Variants in PSMF1 observed in about 807,000 individuals in gnomAD.
PSMF1 encodes the protein proteasome inhibitor PI31 subunit.
Under a neutral mutation model 29.3 loss-of-function variants are expected in PSMF1, and 30 were observed. The ratio of observed to expected loss-of-function variants is 1.02; its 90% CI spans 0.77 to 1.39. The LOEUF (loss-of-function observed/expected upper bound fraction) is 1.39. PSMF1 is among the 40% of genes most tolerant of loss of function. The pLI is 0.00. For missense variants in PSMF1, 344 were observed against 357.5 expected (o/e 0.96, Z 0.31); for synonymous variants, 134 against 139.7 (o/e 0.96, Z 0.29).
chr20:1,145,645 A>G (rs746087425), intron 4 of PSMF1, among the ~76,000 whole-genome samples: 1 of 152,196 alleles, frequency 6.6e-6, no homozygotes, highest in Non-Finnish European at 1.5e-5. Context: ...AAAGGATACA[A>G]TACTCCTTAT....
intron 4 of PSMF1, among the ~76,000 whole-genome samples, chr20:1,144,375 A>G (rs961602270): frequency 6.6e-6 from 1 of 152,266 alleles, no homozygotes; most frequent in Non-Finnish European, 1.5e-5. Flanking sequence ...GCAGTTTCTT[A>G]AAAAACTAAA....
At chr20:1,158,178 A>C (rs2086618561) in intron 4 of PSMF1, among the ~76,000 whole-genome samples, 1 of 152,032 alleles carries the variant, frequency 6.6e-6, no homozygotes, top group African/African-American at 2.4e-5. Flanking sequence ...AGGAAGCAAA[A>C]ATTTTGCTAG....
At chr20:1,153,000 C>A (rs986527977) in intron 4 of PSMF1, among the ~76,000 whole-genome samples, 10 of 152,180 alleles carry the variant, frequency 6.6e-5, no homozygotes, top group African/African-American at 2.4e-4. Flanking sequence ...GATTTTGATA[C>A]AGATTGCTCA....
chr20:1,162,976 A>G (rs1380269370), intron 4 of PSMF1, among the ~76,000 whole-genome samples, 154 bp from the exon 5 acceptor site: 1 of 152,070 alleles, frequency 6.6e-6, no homozygotes, highest in Admixed American at 6.6e-5. Flanking sequence ...TAGGATTATC[A>G]TTGTTCATCT....
At chr20:1,140,270 A>C (rs1405111827) in intron 4 of PSMF1, among the ~76,000 whole-genome samples, 1 of 152,228 alleles carries the variant, frequency 6.6e-6, no homozygotes, top group African/African-American at 2.4e-5. Flanking sequence ...GAGCAAGGAA[A>C]TAGAATTGAG....
intron 4 of PSMF1, among the ~76,000 whole-genome samples, chr20:1,156,177 G>C (rs1484431231): frequency 6.6e-6 from 1 of 152,192 alleles, no homozygotes; most frequent in Non-Finnish European, 1.5e-5. Flanking sequence ...TGACTAAGGA[G>C]TCAGTGAACT....
At chr20:1,120,116 C>T (rs935905800) in intron 1 of PSMF1, among the ~76,000 whole-genome samples, 1 of 151,882 alleles carries the variant, frequency 6.6e-6, no homozygotes, top group Non-Finnish European at 1.5e-5. Flanking sequence ...TCTCTTAGAA[C>T]TAAAGACCAA....
rs6104687 is a variant in PSMF1, at chr20:1,171,100, G to A, written c.*6020G>A. Among the ~76,000 whole-genome samples, 671 of 152,240 alleles carry A rather than the reference G, an allele frequency of 4.4e-3. 6 individuals carry two copies. Among genetic ancestry groups the A allele is most frequent in the African/African-American group, 0.015 (621 of 41,548 alleles). ...CCCATTCCAGAAGCTGGGAAACCAC[G>A]TCAGGACTTGTGTGAGAAAGGAGTG... On this transcript the variant is annotated 3_prime_UTR_variant, in exon 7 of 7. Coordinates refer to ENST00000335877, the MANE Select transcript of PSMF1 (RefSeq NM_006814.5).
intron 4 of PSMF1, chr20:1,160,816 G>C: frequency 2.2e-6 from 1 of 447,226 alleles, no homozygotes; most frequent in Non-Finnish European, 4.6e-6. Flanking sequence ...ATTTTCACCA[G>C]CTGGGAAGGC....
At chr20:1,141,166 G>A (rs998731211) in intron 4 of PSMF1, among the ~76,000 whole-genome samples, 1 of 152,186 alleles carries the variant, frequency 6.6e-6, no homozygotes, top group Non-Finnish European at 1.5e-5. Flanking sequence ...CCAGGGTGGA[G>A]GTGGAAGATG....
chr20:1,147,399 C>T (rs932441482), intron 4 of PSMF1, among the ~76,000 whole-genome samples: 2 of 152,158 alleles, frequency 1.3e-5, no homozygotes, highest in Non-Finnish European at 2.9e-5. Context: ...GGATTTACCC[C>T]GAAGTGGGTC....
Position 1,166,786 on chromosome 20 carries a change from T to A in PSMF1, c.*1706T>A, listed in dbSNP as rs1166633261. 1.9e-5 allele frequency: 3 copies of A among 156,306 alleles called. No homozygotes were observed. The highest frequency in any genetic ancestry group is 2.8e-5 in the Non-Finnish European group (2 of 70,216). The allele number at this position is 156,306 out of a possible 1,614,324, so 9.7% of individuals were successfully genotyped here. On this transcript the variant is annotated 3_prime_UTR_variant, in exon 7 of 7. Transcript: ENST00000335877. ...GAGAGATGGCAAATGGGAGGAGTGT[T>A]AGTCTTTGTTTTGGAATTGGACCAT...
intron 4 of PSMF1, 107 bp downstream of exon 4, chr20:1,135,413 A>G (rs898496927): frequency 2.5e-6 from 3 of 1,218,964 alleles, no homozygotes; most frequent in Non-Finnish European, 3.4e-6. Flanking sequence ...TGTGTTTTCA[A>G]CAAAATGATC....
intron 2 of PSMF1, chr20:1,127,223 T>C (rs2086169617): frequency 6.8e-6 from 5 of 739,946 alleles, no homozygotes; most frequent in Non-Finnish European, 1.2e-5. Flanking sequence ...GGTGTTTTAG[T>C]CTCTGCCTTG....
intron 4 of PSMF1, among the ~76,000 whole-genome samples, chr20:1,155,843 A>G (rs944341875): frequency 6.6e-6 from 1 of 152,268 alleles, no homozygotes; most frequent in African/African-American, 2.4e-5. Context: ...AAAAATATCA[A>G]GATTCTTCCA....
rs143226576 is a variant in PSMF1, at chr20:1,129,585, G to C, written c.365+2077G>C. ...ACGCAGCAGTTGGACCAGTCTTTCA[G>C]ACATAGATCAGATCATAGTTAACAA... is the stretch of plus-strand genomic sequence containing the variant. On this transcript the variant is annotated intron_variant, in intron 3 of 6. Coordinates refer to ENST00000335877, the MANE Select transcript of PSMF1 (RefSeq NM_006814.5). Among the ~76,000 whole-genome samples the C allele has an allele frequency of 3.3e-3, 497 of 152,292 alleles. 3 individuals carry two copies. The highest frequency in any genetic ancestry group is 6.8e-3 in the Middle Eastern group (2 of 292).
upstream of PSMF1, among the ~76,000 whole-genome samples, chr20:1,113,650 A>G (rs566069036): frequency 6.6e-5 from 10 of 152,036 alleles, no homozygotes; most frequent in East Asian, 1.9e-4. Context: ...TGCCTATTCC[A>G]TGCTGGCTGC....
At chr20:1,141,296 C>T (rs73071655) in intron 4 of PSMF1, among the ~76,000 whole-genome samples, 8,612 of 152,132 alleles carry the variant, frequency 0.057, 274 homozygotes, top group South Asian at 0.11. Context: ...ATGCGTTATA[C>T]ATGTTAGCTG....
intron 4 of PSMF1, among the ~76,000 whole-genome samples, chr20:1,158,635 C>T (rs1344332709): frequency 6.6e-6 from 1 of 152,202 alleles, no homozygotes; most frequent in African/African-American, 2.4e-5. Flanking sequence ...CCTTTCCAGT[C>T]CCTTAAAGAG....
Sources: gnomAD v4.1 joint callset for allele counts (sites outside exome capture counted in the v4.1 genomes callset) on GRCh38, gnomAD v4.1.1 for gene constraint, MANE v1.5 for transcripts, NCBI Gene and HGNC (gene_info 2026-07-23, HGNC 2026-07-21) for gene names.